Variants in KIF19 observed in about 807,000 individuals in gnomAD.
KIF19 encodes kinesin-like protein KIF19.
KIF19 carries 98 observed loss-of-function variants against 106.6 expected under a neutral mutation model. The ratio of observed to expected loss-of-function variants is 0.92; its 90% CI spans 0.78 to 1.09. The LOEUF is 1.09. KIF19 is among the 50% of genes least tolerant of loss of function. The pLI, the probability that KIF19 is intolerant of heterozygous loss-of-function variation, is 0.00. For missense variants in KIF19, 1,373 were observed against 1,414.3 expected (o/e 0.97, Z 0.47); for synonymous variants, 516 against 584.2 (o/e 0.88, Z 1.68).
Position 74,326,308 on chromosome 17 carries a change from A to C in KIF19, c.-42A>C. 6.3e-7 allele frequency: 1 copy of C among 1,594,848 alleles called. No individual in the cohort carries two copies. The highest frequency in any genetic ancestry group is 1.7e-5 in the Admixed American group (1 of 57,536). On this transcript the variant is annotated 5_prime_UTR_variant, in exon 1 of 20. It removes an upstream start codon present in the reference 5' UTR. Coordinates refer to ENST00000389916, the MANE Select transcript of KIF19 (RefSeq NM_153209.4). ...GAGGCGGTGGGGGTGCGGCTGAGCC[A>C]TGCCCGGTGGCGCGGCCTGAGCCCC... is the stretch of plus-strand genomic sequence containing the variant.
intron 2 of KIF19, among the ~76,000 whole-genome samples, chr17:74,329,809 C>T (rs1055585903): frequency 9.2e-5 from 14 of 152,180 alleles, no homozygotes; most frequent in Non-Finnish European, 1.9e-4. Context: ...GTAGGAGCAT[C>T]GTGGTGGTAG....
intron 2 of KIF19, among the ~76,000 whole-genome samples, chr17:74,330,347 T>A (rs1245512606): frequency 1.3e-5 from 2 of 152,240 alleles, no homozygotes; most frequent in African/African-American, 4.8e-5. Flanking sequence ...TGTAGGCTAA[T>A]GTACGCACAT....
At position 74,352,929 on chromosome 17, in the gene KIF19, G is replaced by A. The variant is rs768247734; in HGVS notation, c.2089G>A (p.Ala697Thr). 32 of 1,613,742 alleles carry A rather than the reference G, an allele frequency of 2.0e-5. No homozygotes were observed. Among genetic ancestry groups the A allele is most frequent in the African/African-American group, 1.5e-4 (11 of 75,022 alleles). ...SSDAQHLQNS[A>T]LPPLSTESEG... ...TGATGCCCAGCACCTGCAGAACAGC[G>A]CCCTCCCTCCCCTCAGCACAGAGAG... Residue 697 changes from alanine (A) to threonine (T), a missense_variant, in exon 15 of 20, where the codon GCC (alanine) becomes ACC (threonine). By Grantham distance (58) the Ala-to-Thr change is moderately conservative. Transcript: ENST00000389916.
intron 2 of KIF19, among the ~76,000 whole-genome samples, chr17:74,332,726 C>T (rs370842565): frequency 6.2e-4 from 94 of 152,224 alleles, no homozygotes; most frequent in Middle Eastern, 6.8e-3. Flanking sequence ...GAGATCTGGC[C>T]GGACAGCGTG....
At chr17:74,343,252 C>T in intron 5 of KIF19, 92 bp downstream of exon 5, 1 of 1,284,692 alleles carries the variant, frequency 7.8e-7, no homozygotes, top group Middle Eastern at 2.2e-4. Flanking sequence ...CACTGCTGCC[C>T]TCCTGCATGC....
intron 2 of KIF19, among the ~76,000 whole-genome samples, chr17:74,340,793 C>G (rs1007537005): frequency 2.0e-5 from 3 of 152,266 alleles, no homozygotes; most frequent in African/African-American, 7.2e-5. Flanking sequence ...TCATCCCTCA[C>G]CCAGCTGCCT....
At chr17:74,342,529 A>T in intron 3 of KIF19, 101 bp from the exon 4 acceptor site, 2 of 803,716 alleles carry the variant, frequency 2.5e-6, no homozygotes, top group Non-Finnish European at 4.1e-6. Context: ...CTGGGGCTCC[A>T]GGGACAGAAA....
At chr17:74,347,035 C>T (rs1422138852) in intron 8 of KIF19, among the ~76,000 whole-genome samples, 2 of 152,198 alleles carry the variant, frequency 1.3e-5, no homozygotes, top group Non-Finnish European at 2.9e-5. Context: ...TGAGGGATTA[C>T]ATTTGCAGAT....
rs61746587 is a variant in KIF19, at chr17:74,355,345, C to T, written c.*33C>T. ...TGCCTGGAACTGGCTCTCTCACCTC[C>T]CAAGACTGAATGGGGTCTAGCAGGG... is the stretch of plus-strand genomic sequence containing the variant. On this transcript the variant is annotated 3_prime_UTR_variant, in exon 20 of 20. Transcript: ENST00000389916. 342 of 1,572,142 alleles carry T rather than the reference C, an allele frequency of 2.2e-4. No individual in the cohort carries two copies. The African/African-American group carries it at 3.8e-3, about 17-fold the overall frequency.
chr17:74,342,081 T>G (rs541295722), intron 3 of KIF19, 95 bp downstream of exon 3: 5 of 863,038 alleles, frequency 5.8e-6, no homozygotes, highest in South Asian at 5.7e-5. Context: ...CCTTTGAACC[T>G]CAGCCTCCAC....
intron 1 of KIF19, among the ~76,000 whole-genome samples, chr17:74,326,856 C>T (rs1366441451): frequency 7.0e-6 from 1 of 142,790 alleles, no homozygotes; most frequent in Non-Finnish European, 1.6e-5. Flanking sequence ...CAGGATGGGG[C>T]CCGGAGTGCC....
chr17:74,351,753 G>A (rs928487841), intron 12 of KIF19, 114 bp from the exon 13 acceptor site: 19 of 1,218,554 alleles, frequency 1.6e-5, no homozygotes, highest in Non-Finnish European at 1.9e-5. Context: ...TTGGCCTCAG[G>A]CTGGAGCTCC....
At chr17:74,334,913 G>A (rs904563430) in intron 2 of KIF19, among the ~76,000 whole-genome samples, 1 of 152,216 alleles carries the variant, frequency 6.6e-6, no homozygotes, top group Admixed American at 6.5e-5. Flanking sequence ...GAGTAGGATA[G>A]GGGTGTTGGT....
Position 74,354,572 on chromosome 17 carries a change from G to A in KIF19, c.2706+13G>A, listed in dbSNP as rs774239242. Reference sequence around the variant, plus strand: ...CACCGGGCAAGGGGTGAGGCGAGGCGCAGGGGTGGGTGTCTAGGCACTCCC... The same window carrying A: ...CACCGGGCAAGGGGTGAGGCGAGGCACAGGGGTGGGTGTCTAGGCACTCCC... On this transcript the variant is annotated intron_variant, in intron 18 of 19. Coordinates refer to ENST00000389916, the MANE Select transcript of KIF19 (RefSeq NM_153209.4). The A allele has an allele frequency of 2.6e-5, 41 of 1,580,902 alleles. No individual in the cohort carries two copies. Among genetic ancestry groups the A allele is most frequent in the Non-Finnish European group, 3.0e-5 (35 of 1,165,586 alleles).
chr17:74,331,369 G>A lies in KIF19; in HGVS notation c.120+2864G>A, dbSNP rs941837374. 6.5e-5 allele frequency among the ~76,000 whole-genome samples: 8 copies of A among 123,556 alleles called. No individual in the cohort carries two copies. The highest frequency in any genetic ancestry group is 2.5e-4 in the South Asian group (1 of 4,012). The allele number at this position is 123,556 out of a possible 152,430, so 81.1% of individuals were successfully genotyped here. A position where few individuals can be genotyped will look rare whatever the true frequency, so the allele number is the denominator to read the frequency against. On this transcript the variant is annotated intron_variant, in intron 2 of 19. Coordinates refer to ENST00000389916, the MANE Select transcript of KIF19 (RefSeq NM_153209.4). This position sits in a 1 kb window ranked among gnomAD's most constrained non-coding sequence, Gnocchi z 4.1. ...CGTCCTGAGTGGGGAGAGGTGGACC[G>A]GGGACACAGTAACCCGCTGGGCTGG...
At chr17:74,333,203 TA>T (rs997035393) in intron 2 of KIF19, among the ~76,000 whole-genome samples, 3 of 151,904 alleles carry the variant, frequency 2.0e-5, no homozygotes, top group African/African-American at 7.3e-5. Context: ...GGAGAGTGGC[TA>T]GGGGAGGGGG....
Position 74,326,278 on chromosome 17 carries a change from A to G in KIF19, c.-72A>G, listed in dbSNP as rs1362865707. On this transcript the variant is annotated 5_prime_UTR_variant, in exon 1 of 20. Coordinates refer to ENST00000389916, the MANE Select transcript of KIF19 (RefSeq NM_153209.4). Reference sequence around the variant, plus strand: ...GGGCAGCTAGCAGCTGGCGGACGCGACCCGGAGGCGGTGGGGGTGCGGCTG... The same window carrying G: ...GGGCAGCTAGCAGCTGGCGGACGCGGCCCGGAGGCGGTGGGGGTGCGGCTG... 6.9e-7 allele frequency: 1 copy of G among 1,451,724 alleles called. No homozygotes were observed. Among genetic ancestry groups the G allele is most frequent in the East Asian group, 2.6e-5 (1 of 39,164 alleles). The allele number at this position is 1,451,724 out of a possible 1,614,324, so 89.9% of individuals were successfully genotyped here.
At chr17:74,341,828 G>A in intron 2 of KIF19, 48 bp from the exon 3 acceptor site, 1 of 1,349,588 alleles carries the variant, frequency 7.4e-7, no homozygotes, top group Non-Finnish European at 1.1e-6. Context: ...CCTCATCAGG[G>A]CCCGGGGTTC....
rs564671041 is a variant in KIF19 at position 74,347,205 on chromosome 17, G to A, written c.925-572G>A. On this transcript the variant is annotated intron_variant, in intron 8 of 19. Transcript: ENST00000389916. ...GCCGTCATGACTGCACCTAGAAGCC[G>A]GGGAGGTGGGGACAATTGCAAAAGG... 3.3e-5 allele frequency among the ~76,000 whole-genome samples: 5 copies of A among 152,238 alleles called. No individual in the cohort carries two copies. The South Asian group carries it at 8.3e-4, about 25-fold the overall frequency.
Sources: allele counts gnomAD v4.1 joint callset (sites outside exome capture counted in the v4.1 genomes callset), GRCh38; gene constraint gnomAD v4.1.1; non-coding constraint Gnocchi (gnomAD v3.1); transcripts MANE v1.5; gene names NCBI Gene and HGNC (gene_info 2026-07-23, HGNC 2026-07-21).